Variants in COL4A1 observed in about 807,000 individuals in gnomAD.
The protein encoded by COL4A1 is collagen type IV alpha 1 chain, also known as collagen alpha-1(IV) chain.
Under a neutral mutation model 216.6 loss-of-function variants are expected in COL4A1, and 40 were observed. The ratio of observed to expected loss-of-function variants is 0.18; its 90% CI spans 0.14 to 0.24. COL4A1 has a LOEUF of 0.24. Among genes scored for constraint, COL4A1 ranks in the 10% least tolerant of loss-of-function variants. The pLI is 1.00. For missense variants in COL4A1, 1,628 were observed against 2,196.8 expected, an observed-to-expected ratio of 0.74 and a Z score of 5.18; for synonymous variants, 839 against 810.7, an observed-to-expected ratio of 1.03 and a Z score of -0.59.
intron 21 of COL4A1, 26 bp downstream of exon 21, chr13:110,198,441 A>G (rs772969979): frequency 6.2e-7 from 1 of 1,612,834 alleles, no homozygotes; most frequent in Non-Finnish European, 8.5e-7. Context: ...TGCACCCCAC[A>G]TTAAACCATT....
rs568556183 is a variant in COL4A1, at chr13:110,230,097, C to T, written c.144+12578G>A. Among the ~76,000 whole-genome samples the T allele has an allele frequency of 2.2e-3, 320 of 148,024 alleles. 1 individual carries two copies. Among genetic ancestry groups the T allele is most frequent in the Admixed American group, 4.5e-3 (66 of 14,696 alleles). On this transcript the variant is annotated intron_variant, in intron 2 of 51. Coordinates refer to ENST00000375820, the MANE Select transcript of COL4A1 (RefSeq NM_001845.6). ...CAGAACCAAGCCCAAAACAGGTGGA[C>T]GAGGAGGGCTCCATTCAGGCCACGT... is the stretch of plus-strand genomic sequence containing the variant.
At chr13:110,244,056 C>A (rs1358152411) in intron 1 of COL4A1, among the ~76,000 whole-genome samples, 1 of 152,144 alleles carries the variant, frequency 6.6e-6, no homozygotes, top group African/African-American at 2.4e-5. Flanking sequence ...TTATTAGAGG[C>A]TCTGCTTTAA....
chr13:110,263,220 G>A (rs562014973), intron 1 of COL4A1, among the ~76,000 whole-genome samples: 17 of 152,252 alleles, frequency 1.1e-4, no homozygotes, highest in South Asian at 2.1e-4. Context: ...AATTCACGAC[G>A]GCCTTGGCCT....
chr13:110,255,416 C>T (rs978701110), intron 1 of COL4A1, among the ~76,000 whole-genome samples: 6 of 148,818 alleles, frequency 4.0e-5, no homozygotes, highest in East Asian at 4.1e-4. Context: ...CGCAAGAAGG[C>T]GGGAGAAGAG....
intron 2 of COL4A1, among the ~76,000 whole-genome samples, chr13:110,231,780 A>G (rs1881077650): frequency 6.6e-6 from 1 of 152,160 alleles, no homozygotes; most frequent in African/African-American, 2.4e-5. Flanking sequence ...CCAATCTTCT[A>G]GGGAAAACCA....
intron 19 of COL4A1, among the ~76,000 whole-genome samples, chr13:110,201,207 G>A (rs981515318): frequency 3.4e-5 from 5 of 145,800 alleles, no homozygotes; most frequent in African/African-American, 1.3e-4. Context: ...ACAAAAAGAG[G>A]GGAAGAAATA....
rs987088251 is a variant in COL4A1 at position 110,150,354 on chromosome 13, C to T, written c.*9G>A. On this transcript the variant is annotated 3_prime_UTR_variant, in exon 52 of 52. Transcript: ENST00000375820. ...CACCATGTTGTGACATTAGCTGAGT[C>T]AGGCTTCATTATGTTCTTCTCATAC... is the stretch of plus-strand genomic sequence containing the variant. 6.2e-7 allele frequency: 1 copy of T among 1,613,042 alleles called. No individual in the cohort carries two copies. Among genetic ancestry groups the T allele is most frequent in the African/African-American group, 1.3e-5 (1 of 74,900 alleles).
chr13:110,174,438 C>A lies in COL4A1; in HGVS notation c.3406+8G>T. On this transcript the variant is annotated splice_region_variant and intron_variant, in intron 39 of 51. Transcript: ENST00000375820. ...TGCCCGGGCTGTGTCCCAAAGAGGG[C>A]CCTCTACCTGCTTCTCCTTTGACAC... The A allele has an allele frequency of 6.2e-7, 1 of 1,613,446 alleles. No homozygotes were observed. The highest frequency in any genetic ancestry group is 8.5e-7 in the Non-Finnish European group (1 of 1,179,986).
intron 1 of COL4A1, among the ~76,000 whole-genome samples, chr13:110,279,188 G>T (rs985861018): frequency 3.9e-5 from 6 of 152,148 alleles, no homozygotes; most frequent in African/African-American, 1.4e-4. Flanking sequence ...ATATACACTG[G>T]AGCGCCCTTT....
chr13:110,175,411 C>T (rs1877838599), intron 36 of COL4A1, 54 bp from the exon 37 acceptor site: 1 of 1,609,606 alleles, frequency 6.2e-7, no homozygotes. Flanking sequence ...GCTGGTATTA[C>T]AAATGAAAAA....
At chr13:110,168,314 C>T (rs147013961) in intron 43 of COL4A1, among the ~76,000 whole-genome samples, 4 of 152,108 alleles carry the variant, frequency 2.6e-5, no homozygotes, top group African/African-American at 4.8e-5. Context: ...CAGGCCCAGC[C>T]GGGAATGGGG....
intron 24 of COL4A1, among the ~76,000 whole-genome samples, chr13:110,188,571 C>T (rs186692366): frequency 1.3e-5 from 2 of 152,212 alleles, no homozygotes; most frequent in African/African-American, 4.8e-5. Context: ...GACTACTCAG[C>T]CAGAAAGTGC....
intron 1 of COL4A1, among the ~76,000 whole-genome samples, chr13:110,283,369 T>C (rs576955117): frequency 6.6e-6 from 1 of 152,256 alleles, no homozygotes; most frequent in South Asian, 2.1e-4. Flanking sequence ...AAGCCAAATG[T>C]GAAATGTGTT....
At chr13:110,169,537 T>G in intron 43 of COL4A1, 92 bp downstream of exon 43, 4 of 1,549,138 alleles carry the variant, frequency 2.6e-6, no homozygotes, top group Non-Finnish European at 2.6e-6. Context: ...TATATATACA[T>G]ACACAAAATA....
At chr13:110,210,415 C>A (rs1879737759) in intron 8 of COL4A1, among the ~76,000 whole-genome samples, 1 of 152,104 alleles carries the variant, frequency 6.6e-6, no homozygotes, top group South Asian at 2.1e-4. Context: ...TAACCACTGC[C>A]TGGTCAACTG....
intron 18 of COL4A1, among the ~76,000 whole-genome samples, chr13:110,203,167 C>G (rs984465528): frequency 6.6e-6 from 1 of 151,674 alleles, no homozygotes; most frequent in Non-Finnish European, 1.5e-5. Context: ...GAGCCAAGAT[C>G]GCACCACTGC....
At chr13:110,205,892 A>G (rs1879490937) in intron 15 of COL4A1, among the ~76,000 whole-genome samples, 2 of 152,082 alleles carry the variant, frequency 1.3e-5, no homozygotes, top group Non-Finnish European at 1.5e-5. Context: ...TATATATAAT[A>G]ACGGATATAA....
intron 40 of COL4A1, among the ~76,000 whole-genome samples, chr13:110,173,428 T>A (rs575795569): frequency 2.0e-5 from 3 of 152,038 alleles, no homozygotes; most frequent in Non-Finnish European, 4.4e-5. Context: ...GTGATTGTCA[T>A]CATCACACCT....
chr13:110,172,710 C>A lies in COL4A1; in HGVS notation c.3556+10G>T. ...GGTTGAAAAGGAAGAGCACAGTGAGCAAAGATTACCTTTGTCTCCTTTGGC... is the reference window on the plus strand; with the variant it reads ...GGTTGAAAAGGAAGAGCACAGTGAGAAAAGATTACCTTTGTCTCCTTTGGC... On this transcript the variant is annotated intron_variant, in intron 41 of 51. Coordinates refer to ENST00000375820, the MANE Select transcript of COL4A1 (RefSeq NM_001845.6). 6.2e-7 allele frequency: 1 copy of A among 1,613,436 alleles called. No individual in the cohort carries two copies. The highest frequency in any genetic ancestry group is 8.5e-7 in the Non-Finnish European group (1 of 1,179,382).
Sources: gnomAD v4.1 joint callset for allele counts (sites outside exome capture counted in the v4.1 genomes callset) on GRCh38, gnomAD v4.1.1 for gene constraint, MANE v1.5 for transcripts, NCBI Gene and HGNC (gene_info 2026-07-23, HGNC 2026-07-21) for gene names.